The following DNAJC10 variants were observed in gnomAD, a reference collection of about 807,000 sequenced individuals.
DNAJC10 encodes DnaJ heat shock protein family (Hsp40) member C10.
Under a neutral mutation model 115.0 loss-of-function variants are expected in DNAJC10, and 101 were observed. That is an observed-to-expected ratio of 0.88 (90% CI 0.75 to 1.04). The LOEUF is 1.04. Ranked by LOEUF, DNAJC10 falls within the 50% of genes least tolerant of loss-of-function variation. The pLI is 0.00. For synonymous variants in DNAJC10, 307 were observed against 301.5 expected (o/e 1.02, Z -0.19); for missense variants, 981 against 928.8 (o/e 1.06, Z -0.73).
At chr2:182,729,166 T>C (rs79580223) in intron 7 of DNAJC10, 172 bp downstream of exon 7, 6 of 633,208 alleles carry the variant, frequency 9.5e-6, no homozygotes, top group African/African-American at 7.5e-5. Flanking sequence ...TTTTTTTTTT[T>C]GAGATGGAGT....
chr2:182,731,225 G>A (rs764713388), intron 9 of DNAJC10, 118 bp downstream of exon 9: 8 of 617,904 alleles, frequency 1.3e-5, no homozygotes, highest in Non-Finnish European at 2.2e-5. Context: ...TTTATGCCCA[G>A]GATTACAATT....
intron 7 of DNAJC10, 73 bp from the exon 8 acceptor site, chr2:182,729,775 T>C: frequency 2.1e-6 from 2 of 947,420 alleles, no homozygotes. Context: ...AAAATCAAAC[T>C]CTTTGGTATT....
chr2:182,743,227 C>A (rs550634316), intron 13 of DNAJC10, among the ~76,000 whole-genome samples: 17 of 152,280 alleles, frequency 1.1e-4, no homozygotes, highest in African/African-American at 3.6e-4. Context: ...TGCTTACGCT[C>A]TTCTTTTTCA....
At position 182,747,638 on chromosome 2, in the gene DNAJC10, A is replaced by G. The variant is rs369591568; in HGVS notation, c.1306+3926A>G. 4.2e-3 allele frequency among the ~76,000 whole-genome samples: 633 copies of G among 152,056 alleles called. 2 individuals are homozygous for G. The highest frequency in any genetic ancestry group is 5.3e-3 in the African/African-American group (219 of 41,422). On this transcript the variant is annotated intron_variant, in intron 14 of 23. Coordinates refer to ENST00000264065, the MANE Select transcript of DNAJC10 (RefSeq NM_018981.4). ...CTTAAGGAGATTTTGGGCTGAGACA[A>G]TGTGGTTTTCTAGATATACAATCAT...
At chr2:182,729,541 A>G (rs542294771) in intron 7 of DNAJC10, among the ~76,000 whole-genome samples, 3 of 152,334 alleles carry the variant, frequency 2.0e-5, no homozygotes, top group African/African-American at 4.8e-5. Context: ...CAATATGTAT[A>G]TTGTATTTGG....
rs1318269715 is a variant in DNAJC10 at position 182,781,569 on chromosome 2, C to T, written c.*4437C>T. Reference sequence around the variant, plus strand: ...CTTCCACAATGGTTGAACAAATTTACACTCCCACTAACAGTGTAAAAGCAT... The same window carrying T: ...CTTCCACAATGGTTGAACAAATTTATACTCCCACTAACAGTGTAAAAGCAT... On this transcript the variant is annotated 3_prime_UTR_variant, in exon 24 of 24. Coordinates refer to ENST00000264065, the MANE Select transcript of DNAJC10 (RefSeq NM_018981.4). 1 of 152,210 alleles carries T rather than the reference C, an allele frequency of 6.6e-6. No individual in the cohort carries two copies. Among genetic ancestry groups the T allele is most frequent in the African/African-American group, 2.4e-5 (1 of 41,452 alleles). The allele number at this position is 152,210 out of a possible 1,614,324, so 9.4% of individuals were successfully genotyped here.
intron 18 of DNAJC10, among the ~76,000 whole-genome samples, chr2:182,757,056 C>T (rs1000851841): frequency 6.6e-6 from 1 of 152,022 alleles, no homozygotes; most frequent in African/African-American, 2.4e-5. Flanking sequence ...AATATCATTT[C>T]CTGACATACT....
intron 10 of DNAJC10, chr2:182,732,837 T>C: frequency 2.5e-6 from 1 of 396,794 alleles, no homozygotes; most frequent in Non-Finnish European, 4.5e-6. Context: ...CCCAACTTTA[T>C]CTTTTGTTGT....
rs754566665 is a variant in DNAJC10, at chr2:182,759,174, T to C, written c.2012T>C (p.Val671Ala). The C allele has an allele frequency of 1.5e-5, 24 of 1,582,020 alleles. No homozygotes were observed. The highest frequency in any genetic ancestry group is 1.6e-5 in the Non-Finnish European group (19 of 1,171,178). ...RIWGLGFLPQ[V>A]STDLTPQTFS... The stretch of plus-strand genomic sequence containing the variant: ...ATTTGCCACAGATTTTTACCTCAAG[T>C]ATCCACAGATCTAACACCTCAGACT... The change falls in exon 21 of 24, where the codon GTA becomes GCA. Residue 671 changes from valine to alanine, a missense_variant. Transcript: ENST00000264065.
chr2:182,720,948 G>C lies in DNAJC10; in HGVS notation c.367+779G>C, dbSNP rs192282431. ...CGGTTGACATTAAGGTCAATACCTT[G>C]AAACATTATCAATAAAGGTTCCATA... On this transcript the variant is annotated intron_variant, in intron 4 of 23. Transcript: ENST00000264065. Among the ~76,000 whole-genome samples the C allele has an allele frequency of 7.2e-3, 1,092 of 152,006 alleles. 5 individuals carry two copies. Among genetic ancestry groups the C allele is most frequent in the South Asian group, 0.031 (151 of 4,806 alleles).
At chr2:182,724,886 T>G (rs973518327) in intron 5 of DNAJC10, among the ~76,000 whole-genome samples, 1 of 152,196 alleles carries the variant, frequency 6.6e-6, no homozygotes, top group Non-Finnish European at 1.5e-5. Flanking sequence ...TGAGAAGTGC[T>G]CGATGAAGAC....
rs1204753212 is a variant in DNAJC10, at chr2:182,789,105, A to G, written c.*11973A>G. ...CCTGACAACCACCACCCTACTTTCT[A>G]TCAATATGACTACCATAGATATTTA... is the stretch of plus-strand genomic sequence containing the variant. On this transcript the variant is annotated 3_prime_UTR_variant, in exon 24 of 24. Transcript: ENST00000264065. 1 of 213,396 alleles carries G rather than the reference A, an allele frequency of 4.7e-6. No individual in the cohort carries two copies. Among genetic ancestry groups the G allele is most frequent in the South Asian group, 6.6e-5 (1 of 15,204 alleles). 13.2% of individuals were successfully genotyped at this position (213,396 alleles called of 1,614,324 possible).
At chr2:182,768,799 G>A (rs977864397) in intron 22 of DNAJC10, among the ~76,000 whole-genome samples, 2 of 152,116 alleles carry the variant, frequency 1.3e-5, no homozygotes, top group African/African-American at 4.8e-5. Context: ...AGTGGAATGA[G>A]TTCGGTCCTC....
At chr2:182,740,031 T>C (rs1479080720) in intron 11 of DNAJC10, 1 of 1,034,286 alleles carries the variant, frequency 9.7e-7, no homozygotes, top group African/African-American at 1.7e-5. Flanking sequence ...ATACACATCA[T>C]AGTTAATTAA....
chr2:182,729,786 A>G (rs1483435320), intron 7 of DNAJC10, 62 bp from the exon 8 acceptor site: 1 of 1,093,872 alleles, frequency 9.1e-7, no homozygotes, highest in Non-Finnish European at 1.3e-6. Flanking sequence ...CTTTGGTATT[A>G]TTTTTATTGA....
chr2:182,751,414 G>A (rs1039804215), intron 14 of DNAJC10, among the ~76,000 whole-genome samples: 7 of 152,032 alleles, frequency 4.6e-5, no homozygotes, highest in South Asian at 2.1e-4. Flanking sequence ...GATTACAGGC[G>A]TGAGCCACTG....
intron 7 of DNAJC10, 58 bp from the exon 8 acceptor site, chr2:182,729,790 T>C: frequency 8.8e-7 from 1 of 1,139,278 alleles, no homozygotes; most frequent in Non-Finnish European, 1.3e-6. Context: ...GGTATTATTT[T>C]TATTGAGTTT....
intron 22 of DNAJC10, among the ~76,000 whole-genome samples, chr2:182,772,822 G>A (rs1051610054): frequency 3.3e-5 from 5 of 152,096 alleles, no homozygotes; most frequent in African/African-American, 1.2e-4. Flanking sequence ...TTTAATTGGG[G>A]CATTTAGCCC....
chr2:182,736,218 C>T, intron 10 of DNAJC10, 31 bp from the exon 11 acceptor site: 20 of 1,539,146 alleles, frequency 1.3e-5, no homozygotes, highest in Non-Finnish European at 1.7e-5. Context: ...CTCCCATTTA[C>T]AACATGGTTT....
Sources: gnomAD v4.1 joint callset for allele counts (sites outside exome capture counted in the v4.1 genomes callset) on GRCh38, gnomAD v4.1.1 for gene constraint, MANE v1.5 for transcripts, NCBI Gene and HGNC (gene_info 2026-07-23, HGNC 2026-07-21) for gene names.